Variants in AACS observed in about 807,000 individuals in gnomAD.
AACS encodes the protein acetoacetate-CoA ligase.
In AACS, 69 loss-of-function variants were observed where a neutral mutation model predicts 83.1. The ratio of observed to expected loss-of-function variants is 0.83; its 90% confidence interval spans 0.68 to 1.01. The LOEUF (loss-of-function observed/expected upper bound fraction) is 1.01, where lower values mean the gene tolerates loss of function less well. Ranked by LOEUF, AACS falls within the 50% of genes least tolerant of loss-of-function variation. The pLI, the probability that AACS is intolerant of heterozygous loss-of-function variation, is 0.00. For missense variants in AACS, 866 were observed against 882.2 expected, an observed-to-expected ratio of 0.98 and a Z score of 0.23; for synonymous variants, 333 against 343.4, an observed-to-expected ratio of 0.97 and a Z score of 0.33.
At chr12:125,131,915 A>G (rs927494268) in intron 14 of AACS, among the ~76,000 whole-genome samples, 3 of 152,218 alleles carry the variant, frequency 2.0e-5, no homozygotes, top group African/African-American at 7.2e-5. Context: ...TTATTTTTAA[A>G]AACTTAAAAT....
At chr12:125,112,506 C>G (rs1427935754) in intron 8 of AACS, among the ~76,000 whole-genome samples, 1 of 151,958 alleles carries the variant, frequency 6.6e-6, no homozygotes, top group Non-Finnish European at 1.5e-5. Context: ...TGGTGAAACC[C>G]TGTCTCTCCT....
rs1956632786 is a variant in AACS at position 125,097,464 on chromosome 12, G to A, written c.571-5215G>A. 1.3e-5 allele frequency among the ~76,000 whole-genome samples: 2 copies of A among 150,338 alleles called. No individual in the cohort carries two copies. Among genetic ancestry groups the A allele is most frequent in the South Asian group, 4.2e-4 (2 of 4,758 alleles). On this transcript the variant is annotated intron_variant, in intron 5 of 17. Coordinates refer to ENST00000316519, the MANE Select transcript of AACS (RefSeq NM_023928.5). The surrounding 1 kb of genome is among the most constrained non-coding windows in gnomAD (Gnocchi z 4.3). ...AAAAAAAAAAAAGTGCGTTGGGGCA[G>A]CTCCAAGGGCGTCTCTGTAATAATG...
intron 5 of AACS, chr12:125,100,768 C>T (rs949995931): frequency 1.3e-5 from 2 of 152,222 alleles, no homozygotes; most frequent in Admixed American, 1.3e-4. Flanking sequence ...GGGGACCACA[C>T]TTTGAGCTGC....
At position 125,136,836 on chromosome 12, in the gene AACS, G is replaced by T; in HGVS notation, c.1853G>T (p.Ser618Ile). The T allele has an allele frequency of 6.2e-7, 1 of 1,613,648 alleles. No individual in the cohort carries two copies. Among genetic ancestry groups the T allele is most frequent in the African/African-American group, 1.3e-5 (1 of 75,046 alleles). ...RMGLSARHVPSLILETKGIPY... is the reference protein window; with the variant it reads ...RMGLSARHVPILILETKGIPY... ...GGCTTGTCTGCGCGACACGTGCCCA[G>T]CCTCATCCTGGAAACCAAGGGCATC... The change falls in exon 17 of 18, where the codon AGC becomes ATC. Residue 618 changes from serine (S) to isoleucine (I), a missense_variant. By Grantham distance (142) the Ser-to-Ile change is moderately radical. Transcript: ENST00000316519.
chr12:125,104,102 G>A (rs1461677515), intron 7 of AACS, among the ~76,000 whole-genome samples: 1 of 148,948 alleles, frequency 6.7e-6, no homozygotes, highest in African/African-American at 2.5e-5. Flanking sequence ...AAAGTTCTTG[G>A]AGTTATACCT....
In AACS at chr12:125,091,538, GT is replaced by G; in HGVS notation, c.570+16del. ...TCGGTGTGAATGTGAGTCAGGGTCT[GT>G]GACAGAGGGGGCACCCCTTGCCCTG... On this transcript the variant is annotated intron_variant, in intron 5 of 17. Transcript: ENST00000316519. 6.2e-7 allele frequency: 1 copy of G among 1,613,408 alleles called. No individual in the cohort carries two copies. Among genetic ancestry groups the G allele is most frequent in the Non-Finnish European group, 8.5e-7 (1 of 1,179,296 alleles).
rs961102495 is a variant in AACS, at chr12:125,113,834, G to A, written c.916-643G>A. Among the ~76,000 whole-genome samples, 1 of 152,192 alleles carries A rather than the reference G, an allele frequency of 6.6e-6. No individual in the cohort carries two copies. Among genetic ancestry groups the A allele is most frequent in the African/African-American group, 2.4e-5 (1 of 41,432 alleles). ...GGCTTTTCATAGTATCTGCTTCAGA[G>A]TTCTGGACCGTGCAAATACATTGCC... On this transcript the variant is annotated intron_variant, in intron 8 of 17. Transcript: ENST00000316519. This position sits in a 1 kb window ranked among gnomAD's most constrained non-coding sequence, Gnocchi z 4.8.
Position 125,065,543 on chromosome 12 carries a change from G to C in AACS, c.-42G>C. On this transcript the variant is annotated 5_prime_UTR_variant, in exon 1 of 18. Coordinates refer to ENST00000316519, the MANE Select transcript of AACS (RefSeq NM_023928.5). Reference sequence around the variant, plus strand: ...GGCCCTCGCCTCAGCCCCGGCCCCTGGTCCCCAGCCCTCGTCGCAGCCCCG... The same window carrying C: ...GGCCCTCGCCTCAGCCCCGGCCCCTCGTCCCCAGCCCTCGTCGCAGCCCCG... 6.8e-7 allele frequency: 1 copy of C among 1,467,718 alleles called. No homozygotes were observed. The highest frequency in any genetic ancestry group is 9.0e-7 in the Non-Finnish European group (1 of 1,109,900). The allele number at this position is 1,467,718 out of a possible 1,614,324, so 90.9% of individuals were successfully genotyped here. A position where few individuals can be genotyped will look rare whatever the true frequency, so the allele number is the denominator to read the frequency against.
chr12:125,107,164 GC>G lies in AACS; in HGVS notation c.815del (p.Pro272ArgfsTer41), dbSNP rs748786327. On this transcript the variant is annotated frameshift_variant, in exon 8 of 18. Transcript: ENST00000316519. LOFTEE classifies it high-confidence loss of function. Reference sequence around the variant, plus strand: ...TCTTGCCACCGGCACCAGTGAGCAGGCCCCGCAGCTGGAGTTCGAGCAGCTG... The same window carrying G: ...TCTTGCCACCGGCACCAGTGAGCAGGCCCGCAGCTGGAGTTCGAGCAGCTG... ...DFLATGTSEQ[A>X]PQLEFEQLPF... 1.2e-6 allele frequency: 2 copies of G among 1,614,024 alleles called. No homozygotes were observed. Among genetic ancestry groups the G allele is most frequent in the African/African-American group, 2.7e-5 (2 of 74,924 alleles).
At chr12:125,102,875 T>C in intron 6 of AACS, 82 bp downstream of exon 6, 2 of 1,432,034 alleles carry the variant, frequency 1.4e-6, no homozygotes, top group Non-Finnish European at 2.0e-6. Flanking sequence ...TCAATCTGGG[T>C]AGTCTCTGCC....
Position 125,091,510 on chromosome 12 carries a change from A to G in AACS, c.557A>G (p.Asp186Gly), listed in dbSNP as rs762182856. The change falls in exon 5 of 18, where the codon GAC becomes GGC. Residue 186 changes from aspartate to glycine, a missense_variant. Transcript: ENST00000316519. ...IGAIWSSTSPDFGVNGVLDRF... is the reference protein window; with the variant it reads ...IGAIWSSTSPGFGVNGVLDRF... ...GCCATCTGGAGCTCCACGTCCCCGG[A>G]CTTCGGTGTGAATGTGAGTCAGGGT... 2 of 1,614,204 alleles carry G rather than the reference A, an allele frequency of 1.2e-6. No individual in the cohort carries two copies. The highest frequency in any genetic ancestry group is 1.7e-6 in the Non-Finnish European group (2 of 1,180,034).
intron 8 of AACS, among the ~76,000 whole-genome samples, chr12:125,110,355 G>A (rs754693036): frequency 6.6e-6 from 1 of 152,140 alleles, no homozygotes; most frequent in Non-Finnish European, 1.5e-5. Flanking sequence ...ACAGGCCTGA[G>A]CCGTCACGCC....
intron 17 of AACS, among the ~76,000 whole-genome samples, chr12:125,137,511 G>C (rs1957417502): frequency 6.6e-6 from 1 of 152,242 alleles, no homozygotes; most frequent in Non-Finnish European, 1.5e-5. Flanking sequence ...GCTGCTGGGA[G>C]CCGTTGCTGT....
intron 1 of AACS, among the ~76,000 whole-genome samples, chr12:125,072,278 C>T (rs1399324682): frequency 1.3e-5 from 2 of 152,066 alleles, no homozygotes; most frequent in Admixed American, 6.6e-5. Context: ...TCAGCTGTCC[C>T]TGCCCCAGTT....
At chr12:125,087,514 C>T (rs1216643312) in intron 4 of AACS, among the ~76,000 whole-genome samples, 1 of 152,194 alleles carries the variant, frequency 6.6e-6, no homozygotes, top group East Asian at 1.9e-4. Context: ...TCTTCCAGTG[C>T]AGCCCTGGTG....
intron 3 of AACS, among the ~76,000 whole-genome samples, chr12:125,084,253 G>T (rs1343541504): frequency 6.6e-6 from 1 of 151,756 alleles, no homozygotes; most frequent in African/African-American, 2.4e-5. Flanking sequence ...GGGAGGCGGA[G>T]GGTGCAGTGA....
At chr12:125,099,478 A>G (rs1330528085) in intron 5 of AACS, among the ~76,000 whole-genome samples, 2 of 152,162 alleles carry the variant, frequency 1.3e-5, no homozygotes, top group African/African-American at 2.4e-5. Flanking sequence ...TGGCTCATGA[A>G]TCTTTTATTC....
Position 125,133,562 on chromosome 12 carries a change from C to T in AACS, c.1550-441C>T, listed in dbSNP as rs1194884228. Among the ~76,000 whole-genome samples the T allele has an allele frequency of 3.3e-5, 5 of 152,258 alleles. No homozygotes were observed. The South Asian group carries it at 8.3e-4, about 25-fold the overall frequency. On this transcript the variant is annotated intron_variant, in intron 14 of 17. Coordinates refer to ENST00000316519, the MANE Select transcript of AACS (RefSeq NM_023928.5). ...GGTGCAGTAGCCTCCTTCCTGGTCACGAGCACGTGTATTCCATTCCAAGAT... is the reference window on the plus strand; with the variant it reads ...GGTGCAGTAGCCTCCTTCCTGGTCATGAGCACGTGTATTCCATTCCAAGAT...
intron 14 of AACS, among the ~76,000 whole-genome samples, chr12:125,131,756 G>A (rs1157016213): frequency 1.3e-5 from 2 of 152,014 alleles, no homozygotes; most frequent in Non-Finnish European, 2.9e-5. Context: ...GCGCCACCAC[G>A]CCCAGCTAAT....
Sources: gnomAD v4.1 joint callset for allele counts (sites outside exome capture counted in the v4.1 genomes callset) on GRCh38, gnomAD v4.1.1 for gene constraint, Gnocchi (gnomAD v3.1) non-coding constraint, MANE v1.5 for transcripts, NCBI Gene and HGNC (gene_info 2026-07-23, HGNC 2026-07-21) for gene names.